The following TTLL5 variants were observed in gnomAD, a reference collection of about 807,000 sequenced individuals.
TTLL5 encodes tubulin tyrosine ligase like 5.
Under a neutral mutation model 168.4 loss-of-function variants are expected in TTLL5, and 132 were observed. The ratio of observed to expected loss-of-function variants is 0.78; its 90% confidence interval spans 0.68 to 0.91. TTLL5 has a LOEUF of 0.91. Ranked by LOEUF, TTLL5 falls within the 40% of genes least tolerant of loss-of-function variation. The pLI is 0.00. For synonymous variants in TTLL5, 546 were observed against 558.6 expected (o/e 0.98, Z 0.32); for missense variants, 1,545 against 1,581.5 (o/e 0.98, Z 0.39).
At chr14:75,797,456 A>G in intron 27 of TTLL5, among the ~76,000 whole-genome samples, 1 of 152,108 alleles carries the variant, frequency 6.6e-6, no homozygotes, top group East Asian at 1.9e-4. Context: ...ACTATGTTGA[A>G]TAGAAGTGGT....
intron 20 of TTLL5, among the ~76,000 whole-genome samples, chr14:75,770,668 T>C (rs1289526297): frequency 2.6e-5 from 4 of 152,228 alleles, no homozygotes; most frequent in South Asian, 4.1e-4. Context: ...TTCCAAACTA[T>C]AGCTTGATCA....
chr14:75,870,398 A>G (rs2030929778), intron 29 of TTLL5, among the ~76,000 whole-genome samples: 2 of 151,688 alleles, frequency 1.3e-5, no homozygotes, highest in South Asian at 4.2e-4. Flanking sequence ...GTGAGCCACC[A>G]CGCCCGGCCT....
intron 12 of TTLL5, among the ~76,000 whole-genome samples, chr14:75,725,619 C>T (rs979524374): frequency 2.6e-5 from 4 of 152,318 alleles, no homozygotes; most frequent in Admixed American, 6.5e-5. Context: ...CTCTCTGGCT[C>T]TTTCTCCACC....
chr14:75,699,370 G>T (rs1050398390), intron 7 of TTLL5, 100 bp downstream of exon 7: 2 of 1,065,364 alleles, frequency 1.9e-6, no homozygotes, highest in Non-Finnish European at 2.8e-6. Flanking sequence ...TTAAGAGCAG[G>T]TGTGCTCTTC....
intron 31 of TTLL5, among the ~76,000 whole-genome samples, chr14:75,920,495 C>T (rs367773111): frequency 1.3e-3 from 203 of 152,176 alleles, no homozygotes; most frequent in African/African-American, 4.4e-3. Context: ...TGAGAACATG[C>T]GGTGTTTGGT....
intron 31 of TTLL5, among the ~76,000 whole-genome samples, chr14:75,932,945 G>A (rs867623129): frequency 2.6e-5 from 4 of 152,128 alleles, no homozygotes; most frequent in South Asian, 4.1e-4. Context: ...CGAAGACTCC[G>A]TTACTTTGAC....
At chr14:75,921,658 C>A (rs138022615) in intron 31 of TTLL5, among the ~76,000 whole-genome samples, 2 of 152,092 alleles carry the variant, frequency 1.3e-5, no homozygotes, top group Middle Eastern at 3.4e-3. Flanking sequence ...TCAGGTAGTG[C>A]GATGCCTCCT....
chr14:75,833,822 A>G (rs747912750), intron 28 of TTLL5, among the ~76,000 whole-genome samples: 14 of 152,200 alleles, frequency 9.2e-5, no homozygotes, highest in Non-Finnish European at 1.6e-4. Context: ...TGATAAAGTA[A>G]GGAGTGGAAT....
chr14:75,804,274 A>G (rs1456926621), intron 27 of TTLL5, among the ~76,000 whole-genome samples: 1 of 152,240 alleles, frequency 6.6e-6, no homozygotes, highest in African/African-American at 2.4e-5. Context: ...ATGCGGAGGT[A>G]CATAAAGCTT....
chr14:75,671,000 C>G (rs1057048773), intron 3 of TTLL5, among the ~76,000 whole-genome samples: 1 of 152,074 alleles, frequency 6.6e-6, no homozygotes, highest in African/African-American at 2.4e-5. Flanking sequence ...GATCCCTGTG[C>G]TTTTTTCTAA....
rs1313946323 is a variant in TTLL5 at position 75,820,051 on chromosome 14, T to A, written c.3216T>A (p.Ser1072Arg). ...NLATGIINRS[S>R]ASAPPTLRPI... The stretch of plus-strand genomic sequence containing the variant: ...CAACTGGCATCATAAACAGAAGCAG[T>A]GCTTCAGCTCCCCCAACCCTCCGAC... The change falls in exon 28 of 32, where the codon AGT becomes AGA. Residue 1072 changes from serine (S) to arginine (R), a missense_variant. Transcript: ENST00000298832. 1 of 1,606,998 alleles carries A rather than the reference T, an allele frequency of 6.2e-7. No homozygotes were observed. The highest frequency in any genetic ancestry group is 1.7e-5 in the Admixed American group (1 of 58,948).
chr14:75,694,757 T>C (rs186846551), intron 6 of TTLL5, among the ~76,000 whole-genome samples: 180 of 152,336 alleles, frequency 1.2e-3, no homozygotes, highest in African/African-American at 4.3e-3. Flanking sequence ...TTATAATTTC[T>C]TACGCCTATC....
intron 7 of TTLL5, among the ~76,000 whole-genome samples, chr14:75,700,002 C>T (rs1469500594): frequency 1.3e-5 from 2 of 152,156 alleles, no homozygotes; most frequent in East Asian, 3.8e-4. Context: ...CCCTCCCTTG[C>T]ACATTTGTTT....
intron 12 of TTLL5, among the ~76,000 whole-genome samples, chr14:75,722,216 A>G (rs775942480): frequency 9.9e-5 from 15 of 151,882 alleles, no homozygotes; most frequent in Non-Finnish European, 1.8e-4. Flanking sequence ...CTTTTCTAAG[A>G]TTTAGTTCTC....
At position 75,732,371 on chromosome 14, in the gene TTLL5, C is replaced by T. The variant is rs1888601198; in HGVS notation, c.1076C>T (p.Thr359Ile). ...GGCTTTGACGTGCTCATAGATTCTA[C>T]TCTGAAGCCATGGTTGTTGGAAGTG... is the stretch of plus-strand genomic sequence containing the variant. Reference protein sequence around the residue: ...LYGFDVLIDSTLKPWLLEVNL... With the variant: ...LYGFDVLIDSILKPWLLEVNL... The change falls in exon 13 of 32, where the codon ACT becomes ATT. Residue 359 changes from threonine (T) to isoleucine (I), a missense_variant. Physicochemically the swap from Thr to Ile is moderately conservative, Grantham distance 89. Coordinates refer to ENST00000298832, the MANE Select transcript of TTLL5 (RefSeq NM_015072.5). The T allele has an allele frequency of 6.2e-7, 1 of 1,613,878 alleles. No homozygotes were observed. The highest frequency in any genetic ancestry group is 8.5e-7 in the Non-Finnish European group (1 of 1,179,876).
chr14:75,822,780 T>C (rs919422338), intron 28 of TTLL5, among the ~76,000 whole-genome samples: 4 of 152,192 alleles, frequency 2.6e-5, no homozygotes, highest in African/African-American at 9.6e-5. Flanking sequence ...TCGTCTCCCA[T>C]TGGGTCAGTG....
At chr14:75,735,630 T>C (rs1367353176) in intron 15 of TTLL5, among the ~76,000 whole-genome samples, 3 of 152,230 alleles carry the variant, frequency 2.0e-5, no homozygotes, top group Non-Finnish European at 2.9e-5. Context: ...TAGTCATTAC[T>C]GCATTCTTTC....
intron 28 of TTLL5, among the ~76,000 whole-genome samples, chr14:75,825,061 TC>T (rs1371079392): frequency 2.0e-5 from 3 of 152,182 alleles, no homozygotes; most frequent in Admixed American, 6.5e-5. Context: ...AATTTCCCCA[TC>T]TTTTTTTCAA....
chr14:75,888,606 A>G (rs1252381287), intron 30 of TTLL5, among the ~76,000 whole-genome samples: 3 of 152,134 alleles, frequency 2.0e-5, no homozygotes, highest in African/African-American at 2.4e-5. Flanking sequence ...GGGCCTGGCA[A>G]TAGGTGGTAT....
Sources: allele counts gnomAD v4.1 joint callset (sites outside exome capture counted in the v4.1 genomes callset), GRCh38; gene constraint gnomAD v4.1.1; transcripts MANE v1.5; gene names NCBI Gene and HGNC (gene_info 2026-07-23, HGNC 2026-07-21).